The following DSCAM variants were observed in gnomAD, a reference collection of about 807,000 sequenced individuals.
DSCAM encodes DS cell adhesion molecule.
A neutral mutation model predicts 217.7 loss-of-function variants in DSCAM; 47 were observed. The observed-to-expected ratio is 0.22, with a 90% CI of 0.17 to 0.28. The LOEUF is 0.28. Ranked by LOEUF, DSCAM falls within the 10% of genes least tolerant of loss-of-function variation. The probability of loss-of-function intolerance (pLI) is 1.00; values close to 1 mark genes in which losing one functional copy is unlikely to be tolerated. For missense variants in DSCAM, 2,080 were observed against 2,618.3 expected, an observed-to-expected ratio of 0.79 and a Z score of 4.49; for synonymous variants, 1,056 against 1,015.3, an observed-to-expected ratio of 1.04 and a Z score of -0.76.
intron 28 of DSCAM, among the ~76,000 whole-genome samples, chr21:40,061,782 A>G (rs1486240882): frequency 6.6e-6 from 1 of 152,096 alleles, no homozygotes; most frequent in South Asian, 2.1e-4. Context: ...TACTAATTTT[A>G]TATGTATAGA....
At chr21:40,579,385 T>C (rs910596970) in intron 3 of DSCAM, among the ~76,000 whole-genome samples, 1 of 151,672 alleles carries the variant, frequency 6.6e-6, no homozygotes, top group Middle Eastern at 3.4e-3. Context: ...GGGGTAGAGG[T>C]AGGCAATATG....
At position 40,185,401 on chromosome 21, in the gene DSCAM, C is replaced by T. The variant is rs144364960; in HGVS notation, c.2779+1730G>A. Among the ~76,000 whole-genome samples the T allele has an allele frequency of 7.5e-3, 1,145 of 152,288 alleles. 14 individuals are homozygous for T. Among genetic ancestry groups the T allele is most frequent in the Middle Eastern group, 0.031 (9 of 294 alleles). On this transcript the variant is annotated intron_variant, in intron 14 of 32. Coordinates refer to ENST00000400454, the MANE Select transcript of DSCAM (RefSeq NM_001389.5). ...AGCTGGTGCAACGCAGGCCCAGCAG[C>T]GAATCCCACACAGGCTGGGTCCCAA...
At chr21:40,361,267 C>T (rs774969010) in intron 4 of DSCAM, among the ~76,000 whole-genome samples, 8 of 152,042 alleles carry the variant, frequency 5.3e-5, no homozygotes, top group Admixed American at 3.3e-4. Context: ...TTCTATTTTT[C>T]GTCATGTTTA....
chr21:40,685,195 A>G (rs1276873547), intron 3 of DSCAM, among the ~76,000 whole-genome samples: 1 of 152,228 alleles, frequency 6.6e-6, no homozygotes, highest in Non-Finnish European at 1.5e-5. Flanking sequence ...GAAAATGAAG[A>G]TGAGCCAACA....
chr21:40,261,859 T>C (rs371759609), intron 11 of DSCAM, among the ~76,000 whole-genome samples: 357 of 152,272 alleles, frequency 2.3e-3, no homozygotes, highest in Non-Finnish European at 4.6e-3. Context: ...AATTCATATG[T>C]TGAAGCCCTA....
intron 3 of DSCAM, among the ~76,000 whole-genome samples, chr21:40,518,962 A>G (rs916593156): frequency 1.3e-5 from 2 of 152,108 alleles, no homozygotes; most frequent in African/African-American, 4.8e-5. Flanking sequence ...TTACTGCATA[A>G]ATATTGTAGG....
At chr21:40,317,064 A>T (rs1328835324) in intron 8 of DSCAM, among the ~76,000 whole-genome samples, 7 of 152,228 alleles carry the variant, frequency 4.6e-5, no homozygotes, top group Admixed American at 4.6e-4. Flanking sequence ...ACAGTTCATT[A>T]TCAGCTTGCA....
chr21:40,498,630 G>GTGTATA (rs1555846336), intron 3 of DSCAM, among the ~76,000 whole-genome samples: 19 of 99,708 alleles, frequency 1.9e-4, no homozygotes, highest in Non-Finnish European at 3.7e-4. Context: ...TATGCACTAT[G>GTGTATA]TATATATATA....
intron 32 of DSCAM, among the ~76,000 whole-genome samples, chr21:40,025,381 C>T (rs1265020900): frequency 7.0e-6 from 1 of 142,432 alleles, no homozygotes; most frequent in Non-Finnish European, 1.5e-5. Context: ...TGATGCTGGC[C>T]TCATAAAATG....
intron 6 of DSCAM, among the ~76,000 whole-genome samples, chr21:40,341,491 G>T (rs1433889718): frequency 1.3e-5 from 2 of 152,124 alleles, no homozygotes; most frequent in Non-Finnish European, 2.9e-5. Flanking sequence ...GATCTTAAGT[G>T]TACAGCTTAG....
intron 11 of DSCAM, among the ~76,000 whole-genome samples, chr21:40,225,043 G>A (rs1054605277): frequency 1.3e-5 from 2 of 152,118 alleles, no homozygotes; most frequent in African/African-American, 2.4e-5. Context: ...ACACTCACAC[G>A]AGGTACACAC....
At chr21:40,703,315 C>T (rs1409971671) in intron 2 of DSCAM, among the ~76,000 whole-genome samples, 1 of 151,998 alleles carries the variant, frequency 6.6e-6, no homozygotes, top group Non-Finnish European at 1.5e-5. Flanking sequence ...CAGGAGTTAG[C>T]GACCATCCTG....
chr21:40,444,612 A>T (rs2075659413), intron 3 of DSCAM, among the ~76,000 whole-genome samples: 2 of 152,230 alleles, frequency 1.3e-5, no homozygotes, highest in South Asian at 4.1e-4. Context: ...TTCTATTTTT[A>T]AAAACTGGGG....
intron 32 of DSCAM, among the ~76,000 whole-genome samples, chr21:40,013,707 A>T (rs925455118): frequency 6.6e-6 from 1 of 152,248 alleles, no homozygotes; most frequent in Non-Finnish European, 1.5e-5. Context: ...CATCAAAGGC[A>T]TCAGTGTCCA....
chr21:40,100,399 TAA>T (rs2089734828), intron 20 of DSCAM, among the ~76,000 whole-genome samples: 1 of 152,218 alleles, frequency 6.6e-6, no homozygotes, highest in African/African-American at 2.4e-5. Flanking sequence ...CATATTTTAT[TAA>T]GTTAGGATAG....
At chr21:40,121,602 AG>A (rs1293897558) in intron 20 of DSCAM, among the ~76,000 whole-genome samples, 1 of 151,676 alleles carries the variant, frequency 6.6e-6, no homozygotes, top group African/African-American at 2.4e-5. Flanking sequence ...TATGGTCAAA[AG>A]GCAACACAGA....
In DSCAM at chr21:40,052,029, G is replaced by T. The variant is rs772835544; in HGVS notation, c.5114C>A (p.Thr1705Lys). ...AKQKSLTVTH[T>K]VHYQSVSQAT... ...CTGAGACACCGATTGGTAATGGACC[G>T]TGTGAGTGACCGTCAGGGACTTCTG... Residue 1705 changes from threonine to lysine, a missense_variant, in exon 30 of 33, where the codon ACG becomes AAG. Physicochemically the swap from Thr to Lys is moderately conservative, Grantham distance 78. This residue lies in a region of DSCAM where 1,144 missense variants were observed against 1,421.1 expected (regional missense o/e 0.81). Transcript: ENST00000400454. The T allele has an allele frequency of 6.2e-7, 1 of 1,614,174 alleles. No homozygotes were observed. The highest frequency in any genetic ancestry group is 1.1e-5 in the South Asian group (1 of 91,078).
intron 3 of DSCAM, among the ~76,000 whole-genome samples, chr21:40,426,197 G>A (rs2075473454): frequency 6.6e-6 from 1 of 152,222 alleles, no homozygotes; most frequent in Non-Finnish European, 1.5e-5. Context: ...GGCTAGCTAA[G>A]CAGGAGGCAG....
chr21:40,307,340 C>T (rs553939119), intron 9 of DSCAM, among the ~76,000 whole-genome samples: 194 of 152,202 alleles, frequency 1.3e-3, no homozygotes, highest in African/African-American at 4.3e-3. Context: ...AAATGCTCAC[C>T]GTCACTGGCC....
Sources: gnomAD v4.1 joint callset for allele counts (sites outside exome capture counted in the v4.1 genomes callset) on GRCh38, gnomAD v4.1.1 for gene constraint, gnomAD v4.1.1 regional missense constraint, MANE v1.5 for transcripts, NCBI Gene and HGNC (gene_info 2026-07-23, HGNC 2026-07-21) for gene names.